Variants in NAV3 observed in about 807,000 individuals in gnomAD.
The protein encoded by NAV3 is neuron navigator 3, also known as pore membrane and/or filament interacting like protein 1.
In NAV3, 87 loss-of-function variants were observed where a neutral mutation model predicts 244.7. That is an observed-to-expected ratio of 0.36 (90% confidence interval 0.30 to 0.42). NAV3 has a LOEUF of 0.42. Ranked by LOEUF, NAV3 falls within the 20% of genes least tolerant of loss-of-function variation. NAV3 has a pLI of 1.00. For synonymous variants in NAV3, 1,126 were observed against 1,042.2 expected (o/e 1.08, Z -1.55); for missense variants, 2,663 against 2,893.3 (o/e 0.92, Z 1.83).
chr12:78,072,710 A>G (rs1952838434), intron 12 of NAV3, among the ~76,000 whole-genome samples: 1 of 142,282 alleles, frequency 7.0e-6, no homozygotes, highest in Admixed American at 7.2e-5. Context: ...TTCTGATACC[A>G]AAGCCAGGCA....
chr12:78,155,314 G>T (rs1325040029), intron 22 of NAV3, among the ~76,000 whole-genome samples: 1 of 151,984 alleles, frequency 6.6e-6, no homozygotes, highest in African/African-American at 2.4e-5. Flanking sequence ...GAGGATAATG[G>T]CTTCCAGCTC....
chr12:78,009,029 G>A (rs1874752114), intron 8 of NAV3, among the ~76,000 whole-genome samples: 2 of 152,154 alleles, frequency 1.3e-5, no homozygotes, highest in African/African-American at 4.8e-5. Context: ...GAATTTCATA[G>A]GAAAGTGTAA....
chr12:77,954,501 C>T (rs1244845438), intron 3 of NAV3, among the ~76,000 whole-genome samples: 1 of 152,190 alleles, frequency 6.6e-6, no homozygotes, highest in African/African-American at 2.4e-5. Flanking sequence ...TCTCTCTGAG[C>T]CTCTACTGAA....
chr12:78,009,948 C>T (rs955577579), intron 8 of NAV3, among the ~76,000 whole-genome samples: 4 of 152,072 alleles, frequency 2.6e-5, no homozygotes, highest in African/African-American at 7.2e-5. Context: ...GGCATGGTGG[C>T]TCATGCCTGT....
chr12:78,161,380 A>C (rs1297496335), intron 23 of NAV3, among the ~76,000 whole-genome samples: 1 of 152,130 alleles, frequency 6.6e-6, no homozygotes, highest in Non-Finnish European at 1.5e-5. Flanking sequence ...AATGAGTGTT[A>C]GAATTTAAGT....
chr12:77,689,094 C>A (rs775722223), intron 2 of NAV3, among the ~76,000 whole-genome samples: 2 of 151,842 alleles, frequency 1.3e-5, no homozygotes, highest in Non-Finnish European at 2.9e-5. Context: ...AAGATTTTAT[C>A]AATAGGACCA....
intron 12 of NAV3, among the ~76,000 whole-genome samples, chr12:78,106,727 A>G (rs926624620): frequency 7.2e-5 from 11 of 152,130 alleles, no homozygotes; most frequent in Non-Finnish European, 1.3e-4. Flanking sequence ...TGCAGCTACC[A>G]GCATCCAGGC....
chr12:77,868,268 A>C (rs1880387492), intron 1 of NAV3, among the ~76,000 whole-genome samples: 1 of 152,168 alleles, frequency 6.6e-6, no homozygotes, highest in Non-Finnish European at 1.5e-5. Flanking sequence ...AACTTGGTTA[A>C]ATAATTGTAT....
intron 2 of NAV3, among the ~76,000 whole-genome samples, chr12:77,709,624 G>C (rs1400297851): frequency 6.6e-6 from 1 of 152,086 alleles, no homozygotes; most frequent in Non-Finnish European, 1.5e-5. Context: ...AAAATGACGA[G>C]TTAAGTATAT....
At chr12:77,586,266 TC>T (rs1869609784) in intron 2 of NAV3, among the ~76,000 whole-genome samples, 1 of 152,232 alleles carries the variant, frequency 6.6e-6, no homozygotes, top group Non-Finnish European at 1.5e-5. Context: ...TTAAGATTTT[TC>T]CCTGGAAGAG....
At chr12:77,970,793 T>C (rs1172858584) in intron 5 of NAV3, among the ~76,000 whole-genome samples, 1 of 152,120 alleles carries the variant, frequency 6.6e-6, no homozygotes, top group African/African-American at 2.4e-5. Context: ...GTGTGGATGT[T>C]TGCAACAAAG....
At chr12:77,944,734 A>C (rs544941892) in intron 3 of NAV3, among the ~76,000 whole-genome samples, 4 of 152,108 alleles carry the variant, frequency 2.6e-5, no homozygotes, top group South Asian at 2.1e-4. Context: ...TAGGAAATAT[A>C]AATATTTATG....
chr12:77,755,811 G>C (rs1869145299), intron 2 of NAV3, among the ~76,000 whole-genome samples: 1 of 150,940 alleles, frequency 6.6e-6, no homozygotes, highest in South Asian at 2.1e-4. Flanking sequence ...ACAGCTCACT[G>C]CAGCCTCAAC....
At chr12:77,967,119 C>A (rs1892589890) in intron 4 of NAV3, among the ~76,000 whole-genome samples, 1 of 151,814 alleles carries the variant, frequency 6.6e-6, no homozygotes, top group African/African-American at 2.4e-5. Flanking sequence ...AGTAAAATTC[C>A]CCAGGATAAT....
intron 1 of NAV3, among the ~76,000 whole-genome samples, chr12:77,899,781 G>A (rs1885048095): frequency 1.3e-5 from 2 of 152,130 alleles, no homozygotes; most frequent in Admixed American, 1.3e-4. Context: ...AAAAAATAAA[G>A]CGTTAATTCA....
chr12:77,856,252 T>C (rs764754293), intron 1 of NAV3, among the ~76,000 whole-genome samples: 2 of 152,172 alleles, frequency 1.3e-5, no homozygotes, highest in Non-Finnish European at 2.9e-5. Flanking sequence ...GTCTATGAAG[T>C]AGAGTATTAT....
At chr12:78,114,230 C>A (rs938902844) in intron 12 of NAV3, among the ~76,000 whole-genome samples, 10 of 152,164 alleles carry the variant, frequency 6.6e-5, no homozygotes, top group Admixed American at 6.5e-4. Flanking sequence ...TTTCCCACAT[C>A]TTCCTATCTT....
Position 78,197,503 on chromosome 12 carries a change from T to C in NAV3, c.6446+102T>C, listed in dbSNP as rs1959194023. The C allele has an allele frequency of 6.3e-6, 5 of 792,376 alleles. No individual in the cohort carries two copies. In the South Asian group the frequency reaches 1.3e-4, roughly 20 times the overall value. 49.1% of individuals were successfully genotyped at this position (792,376 alleles called of 1,614,324 possible). A position where few individuals can be genotyped will look rare whatever the true frequency, so the allele number is the denominator to read the frequency against. ...TTTTTAAAATTTGTTTAATATTTAA[T>C]TTTTATTTTTTAAATTGACAGATAA... On this transcript the variant is annotated intron_variant, in intron 35 of 39. Transcript: ENST00000397909.
rs369788640 is a variant in NAV3, at chr12:78,188,333, G to A, written c.5876G>A (p.Arg1959His). ...GATGTCTTAGATGGTGTAATAAGAC[G>A]TCTCTTTAAGGTATGTTGTGCAAGA... is the stretch of plus-strand genomic sequence containing the variant. ...KWDVLDGVIR[R>H]LFKEYVFRID... Residue 1959 changes from arginine to histidine, a missense_variant, in exon 32 of 40, where the codon CGT (arginine) becomes CAT (histidine). Physicochemically the swap from Arg to His is conservative, Grantham distance 29. Around this residue, in one of 6 missense-constraint regions of NAV3, gnomAD observed 543 missense variants for 672.4 expected, o/e 0.81. Transcript: ENST00000397909. 27 of 1,608,592 alleles carry A rather than the reference G, an allele frequency of 1.7e-5. No individual in the cohort carries two copies. Among genetic ancestry groups the A allele is most frequent in the South Asian group, 5.5e-5 (5 of 90,888 alleles).
Sources: gnomAD v4.1 joint callset for allele counts (sites outside exome capture counted in the v4.1 genomes callset) on GRCh38, gnomAD v4.1.1 for gene constraint, gnomAD v4.1.1 regional missense constraint, MANE v1.5 for transcripts, NCBI Gene and HGNC (gene_info 2026-07-23, HGNC 2026-07-21) for gene names.